CTSS: variants seen among roughly 807,000 people sequenced by gnomAD.
CTSS encodes the protein cathepsin S.
In CTSS, 15 loss-of-function variants were observed where a neutral mutation model predicts 39.9. That is an observed-to-expected ratio of 0.38 (90% confidence interval 0.25 to 0.58). CTSS has a LOEUF of 0.58. Among genes scored for constraint, CTSS ranks in the 20% least tolerant of loss-of-function variants. The pLI is 0.70. For missense variants in CTSS, 250 were observed against 398.2 expected, an observed-to-expected ratio of 0.63 and a Z score of 3.17; for synonymous variants, 126 against 138.2, an observed-to-expected ratio of 0.91 and a Z score of 0.62.
At chr1:150,754,258 C>T (rs745779038) in intron 4 of CTSS, among the ~76,000 whole-genome samples, 11 of 148,762 alleles carry the variant, frequency 7.4e-5, no homozygotes, top group African/African-American at 1.5e-4. Context: ...GGATTACAGG[C>T]GCCCACCACC....
intron 7 of CTSS, among the ~76,000 whole-genome samples, 179 bp downstream of exon 7, chr1:150,747,598 G>A (rs587717362): frequency 6.6e-6 from 1 of 152,288 alleles, no homozygotes; most frequent in East Asian, 1.9e-4. Context: ...GATGAAGGCA[G>A]AATGGTAAGT....
At chr1:150,762,896 A>G (rs1653293564) in intron 2 of CTSS, among the ~76,000 whole-genome samples, 1 of 152,184 alleles carries the variant, frequency 6.6e-6, no homozygotes, top group South Asian at 2.1e-4. Context: ...TAATTACCAT[A>G]TCATCCAGCA....
chr1:150,737,428 A>G (rs1237805658), intron 7 of CTSS, among the ~76,000 whole-genome samples: 2 of 152,122 alleles, frequency 1.3e-5, no homozygotes, highest in Non-Finnish European at 2.9e-5. Context: ...AAAAAAATGT[A>G]TAGCGTTCTT....
intron 7 of CTSS, 137 bp downstream of exon 7, chr1:150,747,640 G>T: frequency 1.5e-6 from 1 of 646,782 alleles, no homozygotes. Context: ...AATTTAGAAT[G>T]TCACTTTGTA....
At chr1:150,740,054 C>T (rs972567713) in intron 7 of CTSS, among the ~76,000 whole-genome samples, 5 of 152,166 alleles carry the variant, frequency 3.3e-5, no homozygotes, top group Non-Finnish European at 5.9e-5. Context: ...CATTTCCAAT[C>T]GCTAGTTCCT....
intron 4 of CTSS, among the ~76,000 whole-genome samples, chr1:150,752,606 C>T (rs587655749): frequency 6.6e-6 from 1 of 152,254 alleles, no homozygotes; most frequent in Admixed American, 6.5e-5. Flanking sequence ...TTCCCTCCTC[C>T]CACCTTGCTC....
intron 2 of CTSS, among the ~76,000 whole-genome samples, chr1:150,761,704 C>G (rs1354688324): frequency 6.6e-6 from 1 of 151,876 alleles, no homozygotes; most frequent in African/African-American, 2.4e-5. Flanking sequence ...GCACCCCAGC[C>G]TGGGCAACAA....
rs587688884 is a variant in CTSS at position 150,744,676 on chromosome 1, A to T, written c.896+3101T>A. ...AATATGTATTGTATATTATGTATGC[A>T]TACATAATATGTATTGTATATTATG... On this transcript the variant is annotated intron_variant, in intron 7 of 7. Coordinates refer to ENST00000368985, the MANE Select transcript of CTSS (RefSeq NM_004079.5). Among the ~76,000 whole-genome samples, 19 of 143,388 alleles carry T rather than the reference A, an allele frequency of 1.3e-4. No individual in the cohort carries two copies. The South Asian group carries it at 3.0e-3, about 22-fold the overall frequency. 94.1% of individuals were successfully genotyped at this position (143,388 alleles called of 152,430 possible). A position where few individuals can be genotyped will look rare whatever the true frequency, so the allele number is the denominator to read the frequency against.
intron 7 of CTSS, among the ~76,000 whole-genome samples, chr1:150,747,423 T>C (rs144357005): frequency 8.7e-4 from 133 of 152,216 alleles, no homozygotes; most frequent in African/African-American, 2.7e-3. Context: ...AGTGGAATTA[T>C]AGCACCCAAG....
At chr1:150,749,107 T>A (rs184319490) in intron 6 of CTSS, among the ~76,000 whole-genome samples, 19 of 152,310 alleles carry the variant, frequency 1.2e-4, no homozygotes, top group Non-Finnish European at 2.8e-4. Flanking sequence ...TTATGCCACA[T>A]GATAACCCTA....
Position 150,735,019 on chromosome 1 carries a change from T to C in CTSS, c.897-1874A>G, listed in dbSNP as rs1371024839. Among the ~76,000 whole-genome samples the C allele has an allele frequency of 1.3e-5, 2 of 152,210 alleles. 1 individual carries two copies. Among genetic ancestry groups the C allele is most frequent in the African/African-American group, 4.8e-5 (2 of 41,450 alleles). ...TGTGTCTGGAGAGCAGTAAGAAATT[T>C]AGTTGAAAGGAAAACTGGATATCTT... On this transcript the variant is annotated intron_variant, in intron 7 of 7. Transcript: ENST00000368985.
At position 150,730,838 on chromosome 1, in the gene CTSS, A is replaced by C. The variant is rs1470002831; in HGVS notation, c.*2208T>G. On this transcript the variant is annotated 3_prime_UTR_variant, in exon 8 of 8. Coordinates refer to ENST00000368985, the MANE Select transcript of CTSS (RefSeq NM_004079.5). Reference sequence around the variant, plus strand: ...CTTATCACTATTTCAAATTTAGGATAGCTATTAACTCTTATTTAATGCATT... The same window carrying C: ...CTTATCACTATTTCAAATTTAGGATCGCTATTAACTCTTATTTAATGCATT... 1 of 152,144 alleles carries C rather than the reference A, an allele frequency of 6.6e-6. No homozygotes were observed. Among genetic ancestry groups the C allele is most frequent in the East Asian group, 1.9e-4 (1 of 5,198 alleles). 9.4% of individuals were successfully genotyped at this position (152,144 alleles called of 1,614,324 possible).
rs1015351647 is a variant in CTSS, at chr1:150,731,174, G to T, written c.*1872C>A. On this transcript the variant is annotated 3_prime_UTR_variant, in exon 8 of 8. Transcript: ENST00000368985. Reference sequence around the variant, plus strand: ...AGGCTGGGGTGGGTGGATCACCTGAGGTCAGGAGTTTGAGACCAGCCTGGC... The same window carrying T: ...AGGCTGGGGTGGGTGGATCACCTGATGTCAGGAGTTTGAGACCAGCCTGGC... 1 of 152,188 alleles carries T rather than the reference G, an allele frequency of 6.6e-6. No homozygotes were observed. The highest frequency in any genetic ancestry group is 2.4e-5 in the African/African-American group (1 of 41,438). 9.4% of individuals were successfully genotyped at this position (152,188 alleles called of 1,614,324 possible).
At chr1:150,752,792 A>G (rs1196429262) in intron 4 of CTSS, among the ~76,000 whole-genome samples, 5 of 152,200 alleles carry the variant, frequency 3.3e-5, no homozygotes, top group Non-Finnish European at 7.3e-5. Context: ...GAAATCCAAA[A>G]CTAATTGAAA....
chr1:150,759,457 G>C (rs1311974722), intron 2 of CTSS, among the ~76,000 whole-genome samples: 1 of 151,924 alleles, frequency 6.6e-6, no homozygotes, highest in Non-Finnish European at 1.5e-5. Context: ...GCTGCATTCT[G>C]GGTGAATTCC....
rs1652978277 is a variant in CTSS, at chr1:150,750,043, T to C, written c.756A>G (p.Val252=). Residue 252 remains valine, a synonymous_variant, in exon 6 of 8, where the codon GTA becomes GTG. Transcript: ENST00000368985. Reference sequence around the variant, plus strand: ...GGAAGAAAGAAGGATGACGCGCATCTACACCAACAGACACTGGGCCTTTAT... The same window carrying C: ...GGAAGAAAGAAGGATGACGCGCATCCACACCAACAGACACTGGGCCTTTAT... The part of the protein sequence containing the change: ...VANKGPVSVG[V]DARHPSFFLY... 1 of 1,613,494 alleles carries C rather than the reference T, an allele frequency of 6.2e-7. No homozygotes were observed. The highest frequency in any genetic ancestry group is 1.3e-5 in the African/African-American group (1 of 74,912).
At chr1:150,749,941 C>A in intron 6 of CTSS, 65 bp downstream of exon 6, 1 of 1,391,592 alleles carries the variant, frequency 7.2e-7, no homozygotes, top group Non-Finnish European at 9.7e-7. Context: ...CATGAACCAC[C>A]GTGCTCAGCC....
At chr1:150,755,567 C>T (rs1054411779) in intron 3 of CTSS, among the ~76,000 whole-genome samples, 4 of 151,886 alleles carry the variant, frequency 2.6e-5, no homozygotes, top group African/African-American at 4.8e-5. Context: ...TGGTGAAACC[C>T]CATCTCTACT....
chr1:150,752,880 G>A (rs1653034956), intron 4 of CTSS, among the ~76,000 whole-genome samples: 1 of 152,130 alleles, frequency 6.6e-6, no homozygotes, highest in Admixed American at 6.6e-5. Context: ...TTGAGACAGG[G>A]TTTCCTTCTG....
Sources: gnomAD v4.1 joint callset for allele counts (sites outside exome capture counted in the v4.1 genomes callset) on GRCh38, gnomAD v4.1.1 for gene constraint, MANE v1.5 for transcripts, NCBI Gene and HGNC (gene_info 2026-07-23, HGNC 2026-07-21) for gene names.